Variants in CNTNAP2 observed in about 807,000 individuals in gnomAD.
CNTNAP2 encodes contactin-associated protein-like 2.
CNTNAP2 carries 98 observed loss-of-function variants against 155.2 expected under a neutral mutation model. The observed-to-expected ratio is 0.63, with a 90% CI of 0.54 to 0.75. The LOEUF is 0.75. Ranked by LOEUF, CNTNAP2 falls within the 30% of genes least tolerant of loss-of-function variation. The pLI is 0.00. For synonymous variants in CNTNAP2, 651 were observed against 631.2 expected (o/e 1.03, Z -0.47); for missense variants, 1,727 against 1,688.1 (o/e 1.02, Z -0.40).
intron 19 of CNTNAP2, among the ~76,000 whole-genome samples, chr7:148,224,519 C>T (rs1795810528): frequency 6.6e-6 from 1 of 152,154 alleles, no homozygotes; most frequent in Admixed American, 6.5e-5. Flanking sequence ...GCACATCAGA[C>T]AGGGCATTGC....
At chr7:146,453,096 A>G (rs140161564) in intron 1 of CNTNAP2, among the ~76,000 whole-genome samples, 1 of 152,190 alleles carries the variant, frequency 6.6e-6, no homozygotes, top group Non-Finnish European at 1.5e-5. Flanking sequence ...TAGTCCTTAG[A>G]GAAGACTGGT....
At chr7:147,862,312 A>T (rs137955036) in intron 13 of CNTNAP2, among the ~76,000 whole-genome samples, 3 of 152,162 alleles carry the variant, frequency 2.0e-5, no homozygotes, top group Admixed American at 2.0e-4. Context: ...ATTTGCATCA[A>T]TTTCAACCAT....
At chr7:146,135,403 A>G (rs1248262084) in intron 1 of CNTNAP2, among the ~76,000 whole-genome samples, 2 of 152,096 alleles carry the variant, frequency 1.3e-5, no homozygotes, top group African/African-American at 2.4e-5. Context: ...TGTAGTTATG[A>G]GAGAATAAAA....
chr7:148,039,592 C>G (rs538265813), intron 15 of CNTNAP2, among the ~76,000 whole-genome samples: 1 of 152,314 alleles, frequency 6.6e-6, no homozygotes, highest in South Asian at 2.1e-4. Flanking sequence ...AATGGCAGGA[C>G]CAGTACCAAC....
intron 15 of CNTNAP2, among the ~76,000 whole-genome samples, chr7:148,061,978 G>C (rs1046966772): frequency 3.0e-5 from 4 of 133,682 alleles, no homozygotes; most frequent in Non-Finnish European, 6.2e-5. Flanking sequence ...TAGATAGATA[G>C]ATAGATAGAT....
intron 1 of CNTNAP2, among the ~76,000 whole-genome samples, chr7:146,531,235 A>T (rs150274513): frequency 1.9e-4 from 29 of 152,244 alleles, no homozygotes; most frequent in African/African-American, 5.5e-4. Flanking sequence ...GGAGGGAGGG[A>T]GGAGCATAAG....
chr7:147,786,969 G>A (rs971668487), intron 13 of CNTNAP2, among the ~76,000 whole-genome samples: 11 of 151,594 alleles, frequency 7.3e-5, no homozygotes, highest in South Asian at 2.1e-4. Flanking sequence ...ATCCTGTCTC[G>A]AAGAAGGAAA....
intron 1 of CNTNAP2, among the ~76,000 whole-genome samples, chr7:146,678,307 C>A (rs933868403): frequency 2.6e-5 from 4 of 152,032 alleles, no homozygotes; most frequent in African/African-American, 9.7e-5. Flanking sequence ...CTCCTGCCCT[C>A]AAGTGATCCA....
intron 1 of CNTNAP2, among the ~76,000 whole-genome samples, chr7:146,759,083 A>C (rs1802040580): frequency 6.7e-6 from 1 of 150,188 alleles, no homozygotes. Context: ...GGATTGGTAT[A>C]GTTTTTTTAT....
chr7:146,623,623 T>C (rs1470528263), intron 1 of CNTNAP2, among the ~76,000 whole-genome samples: 1 of 152,234 alleles, frequency 6.6e-6, no homozygotes, highest in Non-Finnish European at 1.5e-5. Flanking sequence ...GTTCATTATA[T>C]AGTTGTATCA....
intron 11 of CNTNAP2, among the ~76,000 whole-genome samples, chr7:147,527,011 A>ATTTT (rs1562981271): frequency 3.7e-5 from 3 of 81,626 alleles, no homozygotes; most frequent in African/African-American, 7.6e-5. Context: ...GAAGACAGGC[A>ATTTT]TTTCTTTTTT....
intron 3 of CNTNAP2, among the ~76,000 whole-genome samples, chr7:146,869,624 T>C (rs1020215277): frequency 6.6e-6 from 1 of 152,086 alleles, no homozygotes; most frequent in Non-Finnish European, 1.5e-5. Context: ...CAGTGCAGTC[T>C]TCAGTCTGTG....
intron 18 of CNTNAP2, among the ~76,000 whole-genome samples, chr7:148,176,181 C>G (rs1177528823): frequency 1.3e-5 from 2 of 150,876 alleles, no homozygotes; most frequent in Non-Finnish European, 3.0e-5. Flanking sequence ...AACCTCTTAT[C>G]CAAAACCCTT....
At chr7:147,144,045 A>T (rs1033707675) in intron 8 of CNTNAP2, among the ~76,000 whole-genome samples, 3 of 151,982 alleles carry the variant, frequency 2.0e-5, no homozygotes, top group Admixed American at 6.6e-5. Context: ...AAGAGAATAA[A>T]TTTTTTTTGT....
At chr7:147,865,049 T>C (rs1387698434) in intron 13 of CNTNAP2, among the ~76,000 whole-genome samples, 1 of 152,216 alleles carries the variant, frequency 6.6e-6, no homozygotes, top group African/African-American at 2.4e-5. Context: ...TTCAGTATGA[T>C]ATTGGCTGTG....
chr7:147,165,884 T>G (rs1043455012), intron 8 of CNTNAP2, among the ~76,000 whole-genome samples: 2 of 152,292 alleles, frequency 1.3e-5, no homozygotes, highest in East Asian at 1.9e-4. Context: ...AAATAATAGA[T>G]GTTGACATGG....
intron 13 of CNTNAP2, among the ~76,000 whole-genome samples, chr7:147,713,584 TA>T (rs1431777374): frequency 6.6e-6 from 1 of 152,208 alleles, no homozygotes; most frequent in Non-Finnish European, 1.5e-5. Context: ...TGTGGGACCA[TA>T]AAGCCACTAT....
In CNTNAP2 at chr7:147,998,135, G is replaced by A. The variant is rs1420142811; in HGVS notation, c.2383+20146G>A. 9.8e-5 allele frequency among the ~76,000 whole-genome samples: 12 copies of A among 122,712 alleles called. No individual in the cohort carries two copies. In the East Asian group the frequency reaches 2.5e-3, roughly 26 times the overall value. 80.5% of individuals were successfully genotyped at this position (122,712 alleles called of 152,430 possible). Reference sequence around the variant, plus strand: ...TTTTTTTTTTTTTTTTTTTTGAGACGGAGTCTCACCCTGCTGCCCAGGCTG... The same window carrying A: ...TTTTTTTTTTTTTTTTTTTTGAGACAGAGTCTCACCCTGCTGCCCAGGCTG... On this transcript the variant is annotated intron_variant, in intron 15 of 23. Coordinates refer to ENST00000361727, the MANE Select transcript of CNTNAP2 (RefSeq NM_014141.6).
chr7:147,479,453 T>C (rs1798383068), intron 10 of CNTNAP2, among the ~76,000 whole-genome samples: 1 of 152,230 alleles, frequency 6.6e-6, no homozygotes, highest in Admixed American at 6.5e-5. Context: ...TAGGGTTGTT[T>C]ATTTAGGTTT....
Sources: gnomAD v4.1 joint callset for allele counts (sites outside exome capture counted in the v4.1 genomes callset) on GRCh38, gnomAD v4.1.1 for gene constraint, MANE v1.5 for transcripts, NCBI Gene and HGNC (gene_info 2026-07-23, HGNC 2026-07-21) for gene names.